GABRB1: variants seen among roughly 807,000 people sequenced by gnomAD.
GABRB1 encodes gamma-aminobutyric acid receptor subunit beta-1.
A neutral mutation model predicts 51.6 loss-of-function variants in GABRB1; 17 were observed. The ratio of observed to expected loss-of-function variants is 0.33; its 90% CI spans 0.23 to 0.49. The LOEUF is 0.49. Among genes scored for constraint, GABRB1 ranks in the 20% least tolerant of loss-of-function variants. GABRB1 has a pLI of 0.99. For synonymous variants in GABRB1, 247 were observed against 218.9 expected (o/e 1.13, Z -1.14); for missense variants, 410 against 600.6 (o/e 0.68, Z 3.32).
At position 47,426,400 on chromosome 4, in the gene GABRB1, C is replaced by T. The variant is rs1729298041; in HGVS notation, c.*382C>T. 6.9e-6 allele frequency: 1 copy of T among 144,798 alleles called. No individual in the cohort carries two copies. The highest frequency in any genetic ancestry group is 1.4e-5 in the Non-Finnish European group (1 of 69,398). The allele number at this position is 144,798 out of a possible 1,614,324, so 9.0% of individuals were successfully genotyped here. A position where few individuals can be genotyped will look rare whatever the true frequency, so the allele number is the denominator to read the frequency against. ...CCTTGCTGTCCGCCTGCACTGCTTC[C>T]TGGTAAACTATAACAAACTTATGCT... On this transcript the variant is annotated 3_prime_UTR_variant, in exon 9 of 9. Coordinates refer to ENST00000295454, the MANE Select transcript of GABRB1 (RefSeq NM_000812.4).
intron 3 of GABRB1, among the ~76,000 whole-genome samples, chr4:47,047,620 T>C (rs1018677904): frequency 2.6e-5 from 4 of 152,136 alleles, no homozygotes; most frequent in Non-Finnish European, 4.4e-5. Context: ...TTAGGGAATA[T>C]GGTTAATACT....
intron 1 of GABRB1, among the ~76,000 whole-genome samples, chr4:47,020,617 C>T (rs1724902370): frequency 1.3e-5 from 2 of 152,140 alleles, no homozygotes; most frequent in Admixed American, 1.3e-4. Context: ...TTCCTCACAT[C>T]TATATCCTCT....
chr4:47,296,985 T>C (rs1432019861), intron 4 of GABRB1, among the ~76,000 whole-genome samples: 2 of 152,120 alleles, frequency 1.3e-5, no homozygotes, highest in East Asian at 3.9e-4. Flanking sequence ...ACATGGAAAC[T>C]GAACAACCTG....
At chr4:47,135,443 C>T (rs1716600022) in intron 3 of GABRB1, among the ~76,000 whole-genome samples, 1 of 152,098 alleles carries the variant, frequency 6.6e-6, no homozygotes, top group Non-Finnish European at 1.5e-5. Context: ...AGGGATTCCA[C>T]TTTTGGCACA....
At chr4:47,225,519 A>T (rs1045128562) in intron 4 of GABRB1, among the ~76,000 whole-genome samples, 1 of 152,142 alleles carries the variant, frequency 6.6e-6, no homozygotes, top group African/African-American at 2.4e-5. Flanking sequence ...ATTCACAGAT[A>T]TCTCTTTTTT....
chr4:47,031,180 C>T (rs912259311), upstream of GABRB1, among the ~76,000 whole-genome samples: 1 of 152,080 alleles, frequency 6.6e-6, no homozygotes, highest in African/African-American at 2.4e-5. Context: ...CACATCCTCC[C>T]GGTGCCCGCC....
chr4:46,998,732 TA>T (rs1031492003), intron 1 of GABRB1, among the ~76,000 whole-genome samples: 2,287 of 66,382 alleles, frequency 0.034, 40 homozygotes, highest in African/African-American at 0.1. Context: ...AGACTCTGTC[TA>T]AAAAAAAAAA....
At chr4:47,305,031 G>T (rs1052193499) in intron 4 of GABRB1, among the ~76,000 whole-genome samples, 2 of 151,958 alleles carry the variant, frequency 1.3e-5, no homozygotes, top group African/African-American at 4.8e-5. Context: ...CAGTCATTTT[G>T]TTTCTTGAAA....
intron 4 of GABRB1, among the ~76,000 whole-genome samples, chr4:47,279,126 GGATGGATA>G (rs1352783947): frequency 9.4e-5 from 14 of 149,686 alleles, no homozygotes; most frequent in Admixed American, 4.6e-4. Flanking sequence ...ATGGATGGAT[GGATGGATA>G]GATGGATGGA....
intron 3 of GABRB1, among the ~76,000 whole-genome samples, chr4:47,121,373 T>C (rs990373496): frequency 6.6e-6 from 1 of 152,194 alleles, no homozygotes; most frequent in East Asian, 1.9e-4. Flanking sequence ...ATCAAGACTG[T>C]CTTTACTACT....
chr4:47,151,040 C>G (rs982778715), intron 3 of GABRB1, among the ~76,000 whole-genome samples: 1 of 151,828 alleles, frequency 6.6e-6, no homozygotes, highest in African/African-American at 2.4e-5. Flanking sequence ...AAGACTTCCC[C>G]AGGGACTATC....
intron 5 of GABRB1, among the ~76,000 whole-genome samples, chr4:47,356,052 C>T (rs1726558313): frequency 6.6e-6 from 1 of 152,174 alleles, no homozygotes; most frequent in Admixed American, 6.5e-5. Flanking sequence ...CAGCACATAG[C>T]ACACTGCTTG....
At chr4:47,270,043 T>G (rs1722801527) in intron 4 of GABRB1, among the ~76,000 whole-genome samples, 1 of 151,418 alleles carries the variant, frequency 6.6e-6, no homozygotes, top group Non-Finnish European at 1.5e-5. Flanking sequence ...ACCTAATTGG[T>G]CAGTCTTTTG....
chr4:47,089,472 T>C (rs979869830), intron 3 of GABRB1, among the ~76,000 whole-genome samples: 5 of 152,218 alleles, frequency 3.3e-5, no homozygotes, highest in Non-Finnish European at 7.3e-5. Flanking sequence ...CTCTACTTTA[T>C]ATGCATCACA....
intron 5 of GABRB1, among the ~76,000 whole-genome samples, chr4:47,344,032 C>T (rs1313800198): frequency 6.6e-6 from 1 of 152,186 alleles, no homozygotes; most frequent in East Asian, 1.9e-4. Context: ...TACTAAAGTG[C>T]TTTGGTTGAT....
At chr4:47,176,611 A>T (rs2109763174) in intron 4 of GABRB1, among the ~76,000 whole-genome samples, 1 of 152,210 alleles carries the variant, frequency 6.6e-6, no homozygotes, top group East Asian at 1.9e-4. Flanking sequence ...CTAGATTTGG[A>T]GTAATTAGTA....
chr4:47,410,346 A>G (rs1156731286), intron 8 of GABRB1, among the ~76,000 whole-genome samples: 1 of 152,206 alleles, frequency 6.6e-6, no homozygotes, highest in East Asian at 1.9e-4. Context: ...GCACATTTTT[A>G]GAAATCTGCT....
At chr4:47,323,411 C>T (rs1578094079) in intron 5 of GABRB1, among the ~76,000 whole-genome samples, 1 of 152,280 alleles carries the variant, frequency 6.6e-6, no homozygotes, top group East Asian at 1.9e-4. Flanking sequence ...CTTGTTTCTA[C>T]CTAAGTACAT....
At chr4:47,400,815 C>T (rs1171016377) in intron 5 of GABRB1, among the ~76,000 whole-genome samples, 1 of 151,774 alleles carries the variant, frequency 6.6e-6, no homozygotes, top group African/African-American at 2.4e-5. Flanking sequence ...TAAATAAGAA[C>T]ATGCAATATT....
Sources: gnomAD v4.1 joint callset for allele counts (sites outside exome capture counted in the v4.1 genomes callset) on GRCh38, gnomAD v4.1.1 for gene constraint, MANE v1.5 for transcripts, NCBI Gene and HGNC (gene_info 2026-07-23, HGNC 2026-07-21) for gene names.